COL26A1: variants seen among roughly 807,000 people sequenced by gnomAD.
The protein encoded by COL26A1 is collagen alpha-1(XXVI) chain.
COL26A1 carries 41 observed loss-of-function variants against 59.3 expected under a neutral mutation model. The ratio of observed to expected loss-of-function variants is 0.69; its 90% CI spans 0.54 to 0.90. The LOEUF (loss-of-function observed/expected upper bound fraction) is 0.90. Ranked by LOEUF, COL26A1 falls within the 40% of genes least tolerant of loss-of-function variation. The pLI is 0.00. For missense variants in COL26A1, 612 were observed against 602.3 expected, an observed-to-expected ratio of 1.02 and a Z score of -0.17; for synonymous variants, 266 against 256.0, an observed-to-expected ratio of 1.04 and a Z score of -0.37.
chr7:101,494,073 G>T (rs1472288498), intron 3 of COL26A1, among the ~76,000 whole-genome samples: 1 of 151,944 alleles, frequency 6.6e-6, no homozygotes, highest in Non-Finnish European at 1.5e-5. Context: ...GGCAATAATT[G>T]TGTGAATTCG....
intron 1 of COL26A1, among the ~76,000 whole-genome samples, chr7:101,414,459 T>TGTGTGTGC (rs1792325599): frequency 6.7e-6 from 1 of 149,850 alleles, no homozygotes; most frequent in African/African-American, 2.4e-5. Context: ...TGTGTGTGTG[T>TGTGTGTGC]CGGAGTCTTG....
In COL26A1 at chr7:101,375,069, T is replaced by A. The variant is rs200259479; in HGVS notation, c.158+11879T>A. ...AGTAAGACTCCATCTTAAAAAAAAA[T>A]TTTTTTTAAATAAATAAAAAAAAAG... On this transcript the variant is annotated intron_variant, in intron 1 of 12. Transcript: ENST00000313669. Among the ~76,000 whole-genome samples, 555 of 114,728 alleles carry A rather than the reference T, an allele frequency of 4.8e-3. 4 individuals are homozygous for A. Among genetic ancestry groups the A allele is most frequent in the African/African-American group, 0.017 (437 of 25,668 alleles). The allele number at this position is 114,728 out of a possible 152,430, so 75.3% of individuals were successfully genotyped here. A position where few individuals can be genotyped will look rare whatever the true frequency, so the allele number is the denominator to read the frequency against.
At chr7:101,518,096 G>A (rs1389586924) in intron 3 of COL26A1, among the ~76,000 whole-genome samples, 1 of 152,104 alleles carries the variant, frequency 6.6e-6, no homozygotes, top group African/African-American at 2.4e-5. Context: ...TTACAGGTGT[G>A]AGCCACTGCA....
intron 11 of COL26A1, among the ~76,000 whole-genome samples, chr7:101,554,567 TAAA>T (rs57638079): frequency 4.1e-5 from 5 of 120,506 alleles, no homozygotes; most frequent in Non-Finnish European, 6.8e-5. Context: ...CCCCATTTCT[TAAA>T]AAAAAAAAAA....
intron 3 of COL26A1, among the ~76,000 whole-genome samples, chr7:101,489,674 TTCCTTC>T (rs1437487604): frequency 4.1e-5 from 2 of 48,516 alleles, no homozygotes; most frequent in Admixed American, 1.9e-4. Flanking sequence ...CCTTCCTTCC[TTCCTTC>T]CTTTCTTTCT....
intron 5 of COL26A1, among the ~76,000 whole-genome samples, chr7:101,543,330 C>T (rs1014337189): frequency 6.6e-6 from 1 of 152,014 alleles, no homozygotes; most frequent in African/African-American, 2.4e-5. Context: ...CCACTATGCC[C>T]GGTTAACTTT....
At chr7:101,477,498 G>A (rs1563001299) in intron 3 of COL26A1, among the ~76,000 whole-genome samples, 1 of 152,180 alleles carries the variant, frequency 6.6e-6, no homozygotes, top group African/African-American at 2.4e-5. Flanking sequence ...TATCTGGAGG[G>A]TGTACATCTG....
intron 1 of COL26A1, among the ~76,000 whole-genome samples, chr7:101,382,423 C>T (rs950417172): frequency 2.6e-5 from 4 of 152,100 alleles, no homozygotes; most frequent in Admixed American, 2.0e-4. Flanking sequence ...TATTGAATAA[C>T]CCATTCTTCC....
chr7:101,444,981 C>T (rs1037482466), intron 2 of COL26A1, among the ~76,000 whole-genome samples: 2 of 151,882 alleles, frequency 1.3e-5, no homozygotes, highest in African/African-American at 4.8e-5. Context: ...GCTGGGACTA[C>T]AGGTGCCTGC....
chr7:101,477,643 G>C (rs1475677825), intron 3 of COL26A1, among the ~76,000 whole-genome samples: 1 of 152,188 alleles, frequency 6.6e-6, no homozygotes, highest in South Asian at 2.1e-4. Context: ...GTATTCTTCA[G>C]TCATGAGATT....
At chr7:101,401,424 G>T (rs527577236) in intron 1 of COL26A1, among the ~76,000 whole-genome samples, 1 of 152,094 alleles carries the variant, frequency 6.6e-6, no homozygotes, top group East Asian at 1.9e-4. Flanking sequence ...GCAGGAGGTG[G>T]AGGAGAAGGA....
chr7:101,417,049 T>G (rs1415888093), intron 1 of COL26A1, among the ~76,000 whole-genome samples: 1 of 152,174 alleles, frequency 6.6e-6, no homozygotes, highest in Admixed American at 6.6e-5. Context: ...GCCAGAATTT[T>G]TTAGTGAGTG....
intron 2 of COL26A1, among the ~76,000 whole-genome samples, chr7:101,430,886 C>T (rs1035859763): frequency 7.2e-5 from 11 of 151,916 alleles, no homozygotes; most frequent in Non-Finnish European, 1.0e-4. Flanking sequence ...CCTCACCTCC[C>T]GGGTTCAAGC....
intron 3 of COL26A1, among the ~76,000 whole-genome samples, chr7:101,488,532 C>T (rs944412255): frequency 4.6e-5 from 7 of 150,948 alleles, no homozygotes; most frequent in African/African-American, 1.2e-4. Flanking sequence ...CCCGCCACCA[C>T]GCCCGGCTAT....
At chr7:101,553,632 G>T (rs1265089339) in intron 11 of COL26A1, among the ~76,000 whole-genome samples, 7 of 152,150 alleles carry the variant, frequency 4.6e-5, no homozygotes, top group Non-Finnish European at 7.3e-5. Flanking sequence ...CCCTTGGGGG[G>T]GCTTCCCGGG....
chr7:101,394,519 G>A (rs183624186), intron 1 of COL26A1, among the ~76,000 whole-genome samples: 9 of 151,766 alleles, frequency 5.9e-5, no homozygotes, highest in Admixed American at 5.3e-4. Context: ...CAATCCTCCT[G>A]CCTCAGCCTC....
At chr7:101,384,827 G>A (rs1026264482) in intron 1 of COL26A1, among the ~76,000 whole-genome samples, 120 of 152,114 alleles carry the variant, frequency 7.9e-4, no homozygotes, top group Non-Finnish European at 5.9e-5. Flanking sequence ...GCAGTGGTTC[G>A]TCCTAGTTCC....
chr7:101,395,242 G>C (rs1357014146), intron 1 of COL26A1, among the ~76,000 whole-genome samples: 1 of 152,156 alleles, frequency 6.6e-6, no homozygotes. Context: ...TCTTCTGAAA[G>C]GGAGAAAACC....
intron 1 of COL26A1, among the ~76,000 whole-genome samples, chr7:101,406,798 A>C: frequency 6.6e-6 from 1 of 152,098 alleles, no homozygotes; most frequent in Non-Finnish European, 1.5e-5. Flanking sequence ...ATTTCTTAAA[A>C]AAATAGCTGG....
Sources: gnomAD v4.1 joint callset for allele counts (sites outside exome capture counted in the v4.1 genomes callset) on GRCh38, gnomAD v4.1.1 for gene constraint, MANE v1.5 for transcripts, NCBI Gene and HGNC (gene_info 2026-07-23, HGNC 2026-07-21) for gene names.